Variants in PDE4D observed in about 807,000 individuals in gnomAD.
PDE4D encodes the protein phosphodiesterase 4D, also known as 3',5'-cyclic-AMP phosphodiesterase 4D.
A neutral mutation model predicts 87.4 loss-of-function variants in PDE4D; 24 were observed. The ratio of observed to expected loss-of-function variants is 0.27; its 90% confidence interval spans 0.20 to 0.39. The LOEUF is 0.39. Ranked by LOEUF, PDE4D falls within the 10% of genes least tolerant of loss-of-function variation. The probability of loss-of-function intolerance (pLI) is 1.00; values close to 1 mark genes in which losing one functional copy is unlikely to be tolerated. For missense variants in PDE4D, 714 were observed against 1,041.0 expected (o/e 0.69, Z 4.32); for synonymous variants, 384 against 383.2 (o/e 1.00, Z -0.02).
At chr5:59,651,953 G>T (rs1164097434) in intron 1 of PDE4D, among the ~76,000 whole-genome samples, 2 of 152,160 alleles carry the variant, frequency 1.3e-5, no homozygotes, top group African/African-American at 4.8e-5. Flanking sequence ...GCACCATTTT[G>T]TTCCAGCATC....
chr5:59,601,347 G>A (rs138442927), intron 1 of PDE4D, among the ~76,000 whole-genome samples: 80 of 151,546 alleles, frequency 5.3e-4, no homozygotes, highest in African/African-American at 1.9e-3. Flanking sequence ...TCCTCTTCCC[G>A]TGAAGGCAGG....
chr5:60,307,934 G>A (rs548921303), intron 1 of PDE4D, among the ~76,000 whole-genome samples: 97 of 152,188 alleles, frequency 6.4e-4, no homozygotes, highest in Admixed American at 1.9e-3. Context: ...CAAGCTACTC[G>A]GAAGGCTGAG....
intron 5 of PDE4D, among the ~76,000 whole-genome samples, chr5:59,156,320 A>ATACATATATATATATAT: frequency 1.2e-5 from 1 of 81,780 alleles, no homozygotes; most frequent in Non-Finnish European, 2.4e-5. Flanking sequence ...AAAAAAAAAA[A>ATACATATATATATATAT]ATATATATAT....
chr5:60,366,311 G>T lies in PDE4D; in HGVS notation c.-90+121631C>A, dbSNP rs146907556. ...TTATTTGTAGGACACCAAGCAATTT[G>T]AGGCCTATTTACCCTCAAGTATAAC... is the stretch of plus-strand genomic sequence containing the variant. On this transcript the variant is annotated intron_variant, in intron 1 of 16. Transcript: ENST00000502484. 2.2e-3 allele frequency among the ~76,000 whole-genome samples: 330 copies of T among 152,032 alleles called. 2 individuals carry two copies. The highest frequency in any genetic ancestry group is 7.7e-3 in the African/African-American group (320 of 41,468).
At chr5:60,226,258 T>C (rs113266393) in intron 1 of PDE4D, among the ~76,000 whole-genome samples, 2,132 of 152,250 alleles carry the variant, frequency 0.014, 23 homozygotes, top group Middle Eastern at 0.034. Context: ...GAAATCTTTC[T>C]TTATATCCAT....
intron 1 of PDE4D, among the ~76,000 whole-genome samples, chr5:59,614,847 T>TTGG (rs1829459973): frequency 6.6e-6 from 1 of 152,022 alleles, no homozygotes; most frequent in South Asian, 2.1e-4. Context: ...TTTTTTTTTT[T>TTGG]TGGTGGTAGG....
At chr5:60,058,537 C>T (rs984550557) in intron 2 of PDE4D, among the ~76,000 whole-genome samples, 1 of 151,848 alleles carries the variant, frequency 6.6e-6, no homozygotes, top group Non-Finnish European at 1.5e-5. Context: ...AAAGTAATAT[C>T]TCCAGAAAAT....
chr5:59,276,121 G>GC, intron 1 of PDE4D: 2 of 467,348 alleles, frequency 4.3e-6, no homozygotes, highest in Non-Finnish European at 4.9e-6. Context: ...CAGTGAGAAA[G>GC]GAAAAAAAAA....
chr5:59,867,333 G>T (rs1478690745), intron 1 of PDE4D, among the ~76,000 whole-genome samples: 1 of 151,200 alleles, frequency 6.6e-6, no homozygotes, highest in East Asian at 1.9e-4. Context: ...CATATTTTTC[G>T]ACTTCAGCTA....
At chr5:60,109,898 T>TA (rs1777491644) in intron 2 of PDE4D, among the ~76,000 whole-genome samples, 1 of 151,664 alleles carries the variant, frequency 6.6e-6, no homozygotes, top group Non-Finnish European at 1.5e-5. Flanking sequence ...CATTAGGAGA[T>TA]ATACCTAATG....
intron 2 of PDE4D, among the ~76,000 whole-genome samples, chr5:60,060,402 A>C (rs953952268): frequency 2.0e-5 from 3 of 151,804 alleles, no homozygotes; most frequent in African/African-American, 7.3e-5. Flanking sequence ...GACTAAAGCA[A>C]CTCCATCTTC....
At chr5:59,291,607 A>C (rs539280495) in intron 1 of PDE4D, among the ~76,000 whole-genome samples, 1 of 152,148 alleles carries the variant, frequency 6.6e-6, no homozygotes, top group South Asian at 2.1e-4. Flanking sequence ...AAAAAAGGAT[A>C]AATGCTTGAG....
At chr5:59,716,097 G>A (rs1754979660) in intron 1 of PDE4D, among the ~76,000 whole-genome samples, 1 of 152,190 alleles carries the variant, frequency 6.6e-6, no homozygotes, top group South Asian at 2.1e-4. Context: ...GAAAATGGAT[G>A]TGCTGCTCTC....
chr5:59,625,063 C>T (rs981329045), intron 1 of PDE4D, among the ~76,000 whole-genome samples: 4 of 152,152 alleles, frequency 2.6e-5, no homozygotes, highest in Non-Finnish European at 5.9e-5. Context: ...TTTGTAGATG[C>T]AATTAAGGTT....
At chr5:60,062,261 G>A (rs1771492065) in intron 2 of PDE4D, among the ~76,000 whole-genome samples, 1 of 151,916 alleles carries the variant, frequency 6.6e-6, no homozygotes, top group Non-Finnish European at 1.5e-5. Context: ...AACATGAACA[G>A]ACACTTCTCA....
chr5:59,953,980 C>T (rs1218716686), intron 3 of PDE4D, among the ~76,000 whole-genome samples: 2 of 152,174 alleles, frequency 1.3e-5, no homozygotes, highest in Non-Finnish European at 2.9e-5. Context: ...GGCTGGAGTG[C>T]GATGGCACGA....
At chr5:60,398,630 C>T (rs1763058854) in intron 1 of PDE4D, among the ~76,000 whole-genome samples, 1 of 152,128 alleles carries the variant, frequency 6.6e-6, no homozygotes, top group Non-Finnish European at 1.5e-5. Context: ...GTCAACTGAC[C>T]TCTGCTTGAC....
intron 1 of PDE4D, among the ~76,000 whole-genome samples, chr5:59,218,461 T>C (rs1435994052): frequency 6.6e-6 from 1 of 152,150 alleles, no homozygotes; most frequent in African/African-American, 2.4e-5. Flanking sequence ...GTCATTTAGA[T>C]AGTTATGATA....
At chr5:59,211,084 T>C (rs1417199076) in intron 2 of PDE4D, among the ~76,000 whole-genome samples, 1 of 152,226 alleles carries the variant, frequency 6.6e-6, no homozygotes, top group Non-Finnish European at 1.5e-5. Context: ...TGTTACTTCA[T>C]GACACCACTT....
Sources: allele counts gnomAD v4.1 joint callset (sites outside exome capture counted in the v4.1 genomes callset), GRCh38; gene constraint gnomAD v4.1.1; transcripts MANE v1.5; gene names NCBI Gene and HGNC (gene_info 2026-07-23, HGNC 2026-07-21).